Variants in HCN1 observed in about 807,000 individuals in gnomAD.
HCN1 encodes hyperpolarization activated cyclic nucleotide gated potassium channel 1, also known as potassium/sodium hyperpolarization-activated cyclic nucleotide-gated channel 1.
HCN1 carries 13 observed loss-of-function variants against 78.9 expected under a neutral mutation model. The ratio of observed to expected loss-of-function variants is 0.16; its 90% CI spans 0.11 to 0.26. The LOEUF is 0.26. HCN1 is among the 10% of genes least tolerant of loss of function. The probability of loss-of-function intolerance (pLI) is 1.00; values close to 1 mark genes in which losing one functional copy is unlikely to be tolerated. For missense variants in HCN1, 810 were observed against 1,154.3 expected, an observed-to-expected ratio of 0.70 and a Z score of 4.32; for synonymous variants, 552 against 455.5, an observed-to-expected ratio of 1.21 and a Z score of -2.70.
chr5:45,670,696 G>A (rs1010566175), intron 1 of HCN1, among the ~76,000 whole-genome samples: 8 of 151,492 alleles, frequency 5.3e-5, no homozygotes, highest in Admixed American at 2.0e-4. Flanking sequence ...ATTGCTTTAG[G>A]ATCTGTCTAC....
At chr5:45,659,676 A>G (rs1580028017) in intron 1 of HCN1, among the ~76,000 whole-genome samples, 2 of 139,088 alleles carry the variant, frequency 1.4e-5, no homozygotes, top group African/African-American at 5.7e-5. Flanking sequence ...TCAGGAGCCG[A>G]TGCAATCAAC....
intron 2 of HCN1, among the ~76,000 whole-genome samples, chr5:45,514,552 T>C (rs1742483463): frequency 6.6e-6 from 1 of 152,166 alleles, no homozygotes; most frequent in Non-Finnish European, 1.5e-5. Context: ...TCAATAATTT[T>C]ACATTTATTT....
intron 2 of HCN1, among the ~76,000 whole-genome samples, chr5:45,499,471 G>T (rs1742142515): frequency 6.6e-6 from 1 of 152,146 alleles, no homozygotes; most frequent in Admixed American, 6.5e-5. Context: ...TGGACCCACT[G>T]ACCTGCGCCC....
chr5:45,684,717 T>C (rs1040225953), intron 1 of HCN1, among the ~76,000 whole-genome samples: 6 of 151,956 alleles, frequency 3.9e-5, no homozygotes, highest in Middle Eastern at 3.2e-3. Flanking sequence ...AAAAACTAGC[T>C]AGGTGTGGTT....
chr5:45,428,692 T>C (rs1358269161), intron 3 of HCN1, among the ~76,000 whole-genome samples: 3 of 152,106 alleles, frequency 2.0e-5, no homozygotes, highest in Admixed American at 6.6e-5. Flanking sequence ...TAATGCATTG[T>C]TATCACCCTG....
At chr5:45,492,321 T>TGTGTGA (rs1554028346) in intron 2 of HCN1, among the ~76,000 whole-genome samples, 1 of 141,964 alleles carries the variant, frequency 7.0e-6, no homozygotes, top group African/African-American at 2.6e-5. Flanking sequence ...TGTGTGTGTG[T>TGTGTGA]GAGAGAGAGA....
chr5:45,291,368 C>T (rs1271685310), intron 6 of HCN1, among the ~76,000 whole-genome samples: 1 of 152,008 alleles, frequency 6.6e-6, no homozygotes, highest in Non-Finnish European at 1.5e-5. Flanking sequence ...CTGGACACCA[C>T]ACCGAGCTCA....
At chr5:45,488,964 G>T (rs1741826408) in intron 2 of HCN1, among the ~76,000 whole-genome samples, 1 of 152,114 alleles carries the variant, frequency 6.6e-6, no homozygotes, top group African/African-American at 2.4e-5. Context: ...ACAATTCACT[G>T]AATAAAACAG....
intron 5 of HCN1, among the ~76,000 whole-genome samples, chr5:45,324,031 G>A (rs1011079262): frequency 2.0e-5 from 3 of 151,974 alleles, no homozygotes; most frequent in Admixed American, 1.3e-4. Context: ...ACGTGTGCAT[G>A]TGTCTTTATA....
chr5:45,653,776 G>T (rs1172881185), intron 1 of HCN1, among the ~76,000 whole-genome samples: 1 of 151,998 alleles, frequency 6.6e-6, no homozygotes, highest in African/African-American at 2.4e-5. Context: ...ATTGTGGGTG[G>T]GGGGAGAGGG....
At chr5:45,433,240 T>G (rs1265281842) in intron 3 of HCN1, among the ~76,000 whole-genome samples, 2 of 152,098 alleles carry the variant, frequency 1.3e-5, no homozygotes. Flanking sequence ...TGTATTTGCT[T>G]TTTGATGTGC....
chr5:45,383,861 T>A (rs1579859711), intron 4 of HCN1, among the ~76,000 whole-genome samples: 4 of 152,162 alleles, frequency 2.6e-5, no homozygotes, highest in African/African-American at 9.7e-5. Flanking sequence ...AATCACAGAT[T>A]CTCTTGCCTT....
chr5:45,360,370 A>G (rs991162629), intron 4 of HCN1, among the ~76,000 whole-genome samples: 2 of 151,982 alleles, frequency 1.3e-5, no homozygotes, highest in Non-Finnish European at 2.9e-5. Context: ...GTTTAAATAA[A>G]TAATCACTGG....
At position 45,530,426 on chromosome 5, in the gene HCN1, A is replaced by G. The variant is rs1373287784; in HGVS notation, c.850-68419T>C. On this transcript the variant is annotated intron_variant, in intron 2 of 7. Coordinates refer to ENST00000303230, the MANE Select transcript of HCN1 (RefSeq NM_021072.4). ...TGATTGTGTTTTTATATATATATAT[A>G]TACATATATAGTTTTTTTTTTTAAA... 3.3e-5 allele frequency among the ~76,000 whole-genome samples: 5 copies of G among 150,166 alleles called. No homozygotes were observed. The South Asian group carries it at 8.3e-4, about 25-fold the overall frequency.
intron 6 of HCN1, among the ~76,000 whole-genome samples, chr5:45,271,592 T>TA (rs1744962330): frequency 6.6e-6 from 1 of 152,164 alleles, no homozygotes; most frequent in Non-Finnish European, 1.5e-5. Flanking sequence ...TTATTGTCCT[T>TA]AACTCTGTAA....
intron 2 of HCN1, among the ~76,000 whole-genome samples, chr5:45,615,587 C>G (rs1375365256): frequency 6.6e-6 from 1 of 151,750 alleles, no homozygotes; most frequent in Non-Finnish European, 1.5e-5. Flanking sequence ...ACAATTCTCG[C>G]CTGAAGCCCC....
chr5:45,439,058 G>T (rs777458123), intron 3 of HCN1, among the ~76,000 whole-genome samples: 2 of 151,974 alleles, frequency 1.3e-5, no homozygotes, highest in Non-Finnish European at 2.9e-5. Flanking sequence ...AAATCTTATA[G>T]AACTCAAAAA....
In HCN1 at chr5:45,371,629, C is replaced by T. The variant is rs1025305203; in HGVS notation, c.1231-18383G>A. Among the ~76,000 whole-genome samples the T allele has an allele frequency of 4.7e-5, 7 of 150,190 alleles. No homozygotes were observed. In the East Asian group the frequency reaches 5.9e-4, roughly 13 times the overall value. The stretch of plus-strand genomic sequence containing the variant: ...AAAATTGGCTGGGCTTGGGGGCGGT[C>T]GCCTGTAATCCCAGCTACTCGTGAG... On this transcript the variant is annotated intron_variant, in intron 4 of 7. Coordinates refer to ENST00000303230, the MANE Select transcript of HCN1 (RefSeq NM_021072.4).
chr5:45,565,383 C>T (rs1265216682), intron 2 of HCN1, among the ~76,000 whole-genome samples: 3 of 152,160 alleles, frequency 2.0e-5, no homozygotes, highest in Non-Finnish European at 4.4e-5. Flanking sequence ...TAATAGTTTT[C>T]CCTATAGAAT....
Sources: allele counts gnomAD v4.1 joint callset (sites outside exome capture counted in the v4.1 genomes callset), GRCh38; gene constraint gnomAD v4.1.1; transcripts MANE v1.5; gene names NCBI Gene and HGNC (gene_info 2026-07-23, HGNC 2026-07-21).